Variants in DCP1B observed in about 807,000 individuals in gnomAD.
DCP1B encodes the protein decapping mRNA 1B.
A neutral mutation model predicts 60.5 loss-of-function variants in DCP1B; 47 were observed. The ratio of observed to expected loss-of-function variants is 0.78; its 90% confidence interval spans 0.61 to 0.99. The LOEUF is 0.99. DCP1B is among the 50% of genes least tolerant of loss of function. The probability of loss-of-function intolerance (pLI) is 0.00; values close to 1 mark genes in which losing one functional copy is unlikely to be tolerated. For synonymous variants in DCP1B, 267 were observed against 280.3 expected (o/e 0.95, Z 0.47); for missense variants, 725 against 756.8 (o/e 0.96, Z 0.49).
chr12:1,965,812 G>T, intron 4 of DCP1B, 119 bp from the exon 5 acceptor site: 1 of 1,250,890 alleles, frequency 8.0e-7, no homozygotes, highest in Non-Finnish European at 1.1e-6. Context: ...TTAGAAATAA[G>T]CTTGCTTAGG....
At chr12:1,997,481 C>CT (rs1264472168) in intron 2 of DCP1B, among the ~76,000 whole-genome samples, 1 of 152,148 alleles carries the variant, frequency 6.6e-6, no homozygotes, top group Admixed American at 6.5e-5. Flanking sequence ...GAGCTGTGAT[C>CT]GTGCCACTGC....
intron 1 of DCP1B, among the ~76,000 whole-genome samples, chr12:2,001,958 T>C (rs990918419): frequency 2.0e-5 from 3 of 152,164 alleles, no homozygotes; most frequent in African/African-American, 7.2e-5. Flanking sequence ...AGCTGGAAAA[T>C]ACCAGGGTTA....
Position 1,946,089 on chromosome 12 carries a change from C to T in DCP1B, c.*117G>A. 1 of 744,328 alleles carries T rather than the reference C, an allele frequency of 1.3e-6. No homozygotes were observed. Among genetic ancestry groups the T allele is most frequent in the South Asian group, 2.6e-5 (1 of 37,750 alleles). 46.1% of individuals were successfully genotyped at this position (744,328 alleles called of 1,614,324 possible). ...GTCTGAAACATTTTACTTCATATTA[C>T]ACATACTTTTTTTTTAAAAAAGGCA... On this transcript the variant is annotated 3_prime_UTR_variant, in exon 9 of 9. Transcript: ENST00000280665.
intron 2 of DCP1B, 57 bp downstream of exon 2, chr12:1,997,878 C>G: frequency 7.2e-7 from 1 of 1,383,252 alleles, no homozygotes; most frequent in Admixed American, 1.9e-5. Context: ...AGTGACACAA[C>G]GGAGCTAAAA....
intron 3 of DCP1B, among the ~76,000 whole-genome samples, chr12:1,974,578 A>G (rs2033698055): frequency 2.0e-5 from 3 of 152,188 alleles, no homozygotes; most frequent in Non-Finnish European, 4.4e-5. Flanking sequence ...GGATGCAACA[A>G]TTCTGCAAAA....
chr12:1,963,734 C>G (rs748753421), intron 5 of DCP1B, among the ~76,000 whole-genome samples: 43 of 152,196 alleles, frequency 2.8e-4, no homozygotes, highest in Non-Finnish European at 5.3e-4. Context: ...TTTGAAGAGC[C>G]CTGACACCTT....
At chr12:1,985,504 G>A (rs2037441899) in intron 3 of DCP1B, among the ~76,000 whole-genome samples, 1 of 152,024 alleles carries the variant, frequency 6.6e-6, no homozygotes. Context: ...TTCTTTTCAA[G>A]AGTATCCAGT....
chr12:1,965,666 G>A lies in DCP1B; in HGVS notation c.414C>T (p.Ala138=). 6.2e-7 allele frequency: 1 copy of A among 1,613,430 alleles called. No individual in the cohort carries two copies. The highest frequency in any genetic ancestry group is 8.5e-7 in the Non-Finnish European group (1 of 1,179,696). The change falls in exon 5 of 9, where the codon GCC becomes GCT. Residue 138 remains alanine, a synonymous_variant. Coordinates refer to ENST00000280665, the MANE Select transcript of DCP1B (RefSeq NM_152640.5). ...KNLTQYEQLK[A]HQGTGAGISP... ...AAATTCCTGCTCCAGTTCCCTGATG[G>A]GCTTTCAACTGTTCATACTGAGTTA...
chr12:1,943,255 C>T (rs1458922369), downstream of DCP1B, among the ~76,000 whole-genome samples: 7 of 152,126 alleles, frequency 4.6e-5, no homozygotes, highest in Admixed American at 3.3e-4. Flanking sequence ...AGGAAGAAGT[C>T]GAAGCCCTGA....
At chr12:1,972,794 AAGGATGGAAT>A (rs1218518918) in intron 3 of DCP1B, among the ~76,000 whole-genome samples, 3 of 152,094 alleles carry the variant, frequency 2.0e-5, no homozygotes, top group Non-Finnish European at 4.4e-5. Context: ...GGAAAAAAAG[AAGGATGGAAT>A]GAAGGGAGGG....
intron 3 of DCP1B, among the ~76,000 whole-genome samples, chr12:1,985,226 T>A (rs2037357344): frequency 6.6e-6 from 1 of 152,144 alleles, no homozygotes. Flanking sequence ...CTCCTCTTTA[T>A]TAGACTTCAA....
At chr12:1,999,531 G>T (rs1392201917) in intron 1 of DCP1B, among the ~76,000 whole-genome samples, 1 of 152,050 alleles carries the variant, frequency 6.6e-6, no homozygotes, top group Non-Finnish European at 1.5e-5. Flanking sequence ...GACCAGCCTG[G>T]GCAACATAGT....
At position 1,996,215 on chromosome 12, in the gene DCP1B, T is replaced by G. The variant is rs114361004; in HGVS notation, c.191+1720A>C. Among the ~76,000 whole-genome samples the G allele has an allele frequency of 3.6e-3, 542 of 152,288 alleles. 2 individuals are homozygous for G. Among genetic ancestry groups the G allele is most frequent in the African/African-American group, 0.012 (485 of 41,554 alleles). On this transcript the variant is annotated intron_variant, in intron 2 of 8. Coordinates refer to ENST00000280665, the MANE Select transcript of DCP1B (RefSeq NM_152640.5). ...TCCCCATGAAGTGAATACACTGACT[T>G]TCCCCATACATTTTCTCTATTACTC...
intron 2 of DCP1B, among the ~76,000 whole-genome samples, chr12:1,996,639 A>C (rs1004544999): frequency 2.4e-4 from 28 of 117,178 alleles, no homozygotes; most frequent in East Asian, 1.1e-3. Context: ...AAAAAAAAAA[A>C]AAAAAAAAAA....
chr12:1,951,189 C>T (rs1459938405), intron 7 of DCP1B, among the ~76,000 whole-genome samples: 8 of 152,082 alleles, frequency 5.3e-5, no homozygotes, highest in African/African-American at 1.9e-4. Flanking sequence ...GCAGCAGAAT[C>T]GCCTGAACCC....
At chr12:1,967,958 A>G (rs1482000342) in intron 3 of DCP1B, 48 bp from the exon 4 acceptor site, 4 of 1,455,312 alleles carry the variant, frequency 2.7e-6, no homozygotes, top group Non-Finnish European at 3.8e-6. Flanking sequence ...TCAAAACTAC[A>G]AAATAGAAAA....
In DCP1B at chr12:1,949,128, G is replaced by T. The variant is rs1487381955; in HGVS notation, c.1731C>A (p.Leu577=). The T allele has an allele frequency of 6.2e-7, 1 of 1,614,162 alleles. No homozygotes were observed. The highest frequency in any genetic ancestry group is 1.7e-5 in the Admixed American group (1 of 60,030). ...PEPSVITSSP[L]TKLQLQEALL... is the part of the protein sequence containing the mutation. ...GTGCCTCCTGGAGCTGGAGCTTGGT[G>T]AGTGGGCTGCTGGTGATCACGGAGG... is the stretch of plus-strand genomic sequence containing the variant. The change falls in exon 8 of 9, where the codon CTC becomes CTA. Residue 577 remains leucine (L), a synonymous_variant. Coordinates refer to ENST00000280665, the MANE Select transcript of DCP1B (RefSeq NM_152640.5).
In DCP1B at chr12:2,000,163, G is replaced by A. The variant is rs2041863912; in HGVS notation, c.151-2188C>T. Among the ~76,000 whole-genome samples the A allele has an allele frequency of 2.6e-5, 4 of 152,166 alleles. No homozygotes were observed. In the South Asian group the frequency reaches 8.3e-4, roughly 31 times the overall value. On this transcript the variant is annotated intron_variant, in intron 1 of 8. Coordinates refer to ENST00000280665, the MANE Select transcript of DCP1B (RefSeq NM_152640.5). ...AAAGTTTAACTGATTCAGTCAGCAA[G>A]TATTCACAAGTCCACAAAGCATTTA...
At chr12:1,986,835 G>A (rs2037928814) in intron 3 of DCP1B, among the ~76,000 whole-genome samples, 1 of 152,168 alleles carries the variant, frequency 6.6e-6, no homozygotes, top group Admixed American at 6.5e-5. Flanking sequence ...GCCCCAGTTA[G>A]TTGCTTTTGT....
Sources: allele counts gnomAD v4.1 joint callset (sites outside exome capture counted in the v4.1 genomes callset), GRCh38; gene constraint gnomAD v4.1.1; transcripts MANE v1.5; gene names NCBI Gene and HGNC (gene_info 2026-07-23, HGNC 2026-07-21).